GFRA2: variants seen among roughly 807,000 people sequenced by gnomAD.
GFRA2 encodes GDNF family receptor alpha-2.
A neutral mutation model predicts 48.3 loss-of-function variants in GFRA2; 17 were observed. The observed-to-expected ratio is 0.35, with a 90% confidence interval of 0.24 to 0.53. The LOEUF (loss-of-function observed/expected upper bound fraction) is 0.53. Ranked by LOEUF, GFRA2 falls within the 20% of genes least tolerant of loss-of-function variation. The probability of loss-of-function intolerance (pLI) is 0.93; values close to 1 mark genes in which losing one functional copy is unlikely to be tolerated. For missense variants in GFRA2, 660 were observed against 637.3 expected (o/e 1.04, Z -0.38); for synonymous variants, 305 against 257.2 (o/e 1.19, Z -1.78).
In GFRA2 at chr8:21,693,409, G is replaced by T; in HGVS notation, c.1273-9C>A. The T allele has an allele frequency of 6.3e-7, 1 of 1,599,316 alleles. No individual in the cohort carries two copies. The highest frequency in any genetic ancestry group is 1.1e-5 in the South Asian group (1 of 88,808). On this transcript the variant is annotated splice_polypyrimidine_tract_variant and intron_variant, in intron 8 of 8. Transcript: ENST00000524240. Reference sequence around the variant, plus strand: ...ATGATATTTGTCGTGAGCTGAGTCCGCAGCAGGAGAAGAATCAGGAACAAA... The same window carrying T: ...ATGATATTTGTCGTGAGCTGAGTCCTCAGCAGGAGAAGAATCAGGAACAAA...
At position 21,730,831 on chromosome 8, in the gene GFRA2, C is replaced by T. The variant is rs553727980; in HGVS notation, c.794+19757G>A. Reference sequence around the variant, plus strand: ...AATCGTATCTTCCCTCCTTCCTTTCCCCACATTTCAGAAATAAGGTAAATC... The same window carrying T: ...AATCGTATCTTCCCTCCTTCCTTTCTCCACATTTCAGAAATAAGGTAAATC... On this transcript the variant is annotated intron_variant, in intron 4 of 8. Transcript: ENST00000524240. Among the ~76,000 whole-genome samples, 5 of 152,242 alleles carry T rather than the reference C, an allele frequency of 3.3e-5. No homozygotes were observed. In the East Asian group the frequency reaches 5.8e-4, roughly 18 times the overall value.
intron 2 of GFRA2, among the ~76,000 whole-genome samples, chr8:21,780,157 GCTCCCTAGCCAGGCTC>G (rs1167464921): frequency 9.3e-5 from 14 of 151,080 alleles, no homozygotes; most frequent in East Asian, 2.0e-4. Flanking sequence ...GTTCCTGTCT[GCTCCCTAGCCAGGCTC>G]CTCCCTAGCC....
At chr8:21,699,502 A>C (rs1447202107) in intron 7 of GFRA2, among the ~76,000 whole-genome samples, 2 of 152,142 alleles carry the variant, frequency 1.3e-5, no homozygotes, top group Non-Finnish European at 2.9e-5. Context: ...GGGGTCCTAC[A>C]AATTGGCATT....
chr8:21,729,767 C>T (rs1194057893), intron 4 of GFRA2, among the ~76,000 whole-genome samples: 1 of 152,188 alleles, frequency 6.6e-6, no homozygotes, highest in African/African-American at 2.4e-5. Context: ...CCACCGCCAC[C>T]CCCAAAGGGC....
intron 1 of GFRA2, among the ~76,000 whole-genome samples, chr8:21,808,181 C>T (rs1807907822): frequency 6.6e-6 from 1 of 152,188 alleles, no homozygotes; most frequent in Admixed American, 6.5e-5. Context: ...GGGGGAAGGG[C>T]TCATCTTTGT....
intron 1 of GFRA2, among the ~76,000 whole-genome samples, chr8:21,810,130 C>A (rs1227634231): frequency 6.6e-6 from 1 of 152,198 alleles, no homozygotes; most frequent in Non-Finnish European, 1.5e-5. Flanking sequence ...AAGCCAAATG[C>A]AAAAGCACAT....
rs1807065476 is a variant in GFRA2, at chr8:21,782,608, C to T, written c.332G>A (p.Ser111Asn). ...ACCCTCGGTCAGCCCCAGGTGGATG[C>T]TCCAGTAGATCTGCAGACACTGCAG... is the stretch of plus-strand genomic sequence containing the variant. ...KELQCLQIYW[S>N]IHLGLTEGEE... is the part of the protein sequence containing the mutation. The change falls in exon 2 of 9, where the codon AGC becomes AAC. Residue 111 changes from serine to asparagine, a missense_variant. By Grantham distance (46) the Ser-to-Asn change is conservative (BLOSUM62 1). Coordinates refer to ENST00000524240, the MANE Select transcript of GFRA2 (RefSeq NM_001495.5). The T allele has an allele frequency of 1.3e-6, 2 of 1,583,236 alleles. No homozygotes were observed.
upstream of GFRA2, among the ~76,000 whole-genome samples, chr8:21,793,786 T>C (rs2117104591): frequency 6.6e-6 from 1 of 152,104 alleles, no homozygotes; most frequent in South Asian, 2.1e-4. Context: ...CATGTTCATA[T>C]TCCCCTTCAC....
intron 8 of GFRA2, among the ~76,000 whole-genome samples, chr8:21,694,066 T>TA (rs1802024862): frequency 5.4e-5 from 6 of 111,980 alleles, no homozygotes; most frequent in African/African-American, 1.3e-4. Flanking sequence ...TATATATATA[T>TA]TTATTTATTT....
chr8:21,697,152 G>T, intron 7 of GFRA2, among the ~76,000 whole-genome samples: 1 of 148,200 alleles, frequency 6.7e-6, no homozygotes, highest in Non-Finnish European at 1.5e-5. Context: ...AGGGAGAGGG[G>T]AAGGGACAGA....
intron 3 of GFRA2, among the ~76,000 whole-genome samples, chr8:21,754,181 T>G (rs1160818336): frequency 6.6e-6 from 1 of 152,250 alleles, no homozygotes; most frequent in Non-Finnish European, 1.5e-5. Context: ...CTCATTTGTT[T>G]GTTTGCATCA....
chr8:21,743,229 A>C (rs144458460), intron 4 of GFRA2, among the ~76,000 whole-genome samples: 114 of 152,150 alleles, frequency 7.5e-4, no homozygotes, highest in African/African-American at 2.6e-3. Context: ...GTTCTTCAGG[A>C]AGGGGGTGGC....
chr8:21,714,040 T>C (rs1803204473), intron 4 of GFRA2, among the ~76,000 whole-genome samples: 1 of 152,102 alleles, frequency 6.6e-6, no homozygotes, highest in South Asian at 2.1e-4. Flanking sequence ...AGACACACAG[T>C]TACACTTGGA....
intron 4 of GFRA2, among the ~76,000 whole-genome samples, chr8:21,707,270 G>A (rs1293202348): frequency 6.6e-6 from 1 of 152,154 alleles, no homozygotes; most frequent in Non-Finnish European, 1.5e-5. Context: ...AGCACCTCAT[G>A]AAGCCATCTC....
At position 21,718,611 on chromosome 8, in the gene GFRA2, A is replaced by G. The variant is rs151279363; in HGVS notation, c.795-12570T>C. Among the ~76,000 whole-genome samples the G allele has an allele frequency of 4.4e-3, 669 of 152,312 alleles. 2 individuals are homozygous for G. Among genetic ancestry groups the G allele is most frequent in the African/African-American group, 0.015 (613 of 41,588 alleles). ...CATGAGACACCATGTAGAAGGCAGG[A>G]GCTATGTCCCTTCAAGCCAAAGGGC... On this transcript the variant is annotated intron_variant, in intron 4 of 8. Coordinates refer to ENST00000524240, the MANE Select transcript of GFRA2 (RefSeq NM_001495.5).
intron 2 of GFRA2, among the ~76,000 whole-genome samples, chr8:21,778,318 C>A (rs1806811409): frequency 6.6e-6 from 1 of 152,164 alleles, no homozygotes; most frequent in Non-Finnish European, 1.5e-5. Flanking sequence ...TACCTGGAGG[C>A]CTCCTGGCTT....
At chr8:21,756,997 G>A (rs1204548321) in intron 3 of GFRA2, among the ~76,000 whole-genome samples, 1 of 152,104 alleles carries the variant, frequency 6.6e-6, no homozygotes. Flanking sequence ...GAGGGAGGCG[G>A]GATTTAACAC....
intron 4 of GFRA2, among the ~76,000 whole-genome samples, chr8:21,723,666 G>C (rs6587001): frequency 0.86 from 130,440 of 152,180 alleles, 56,091 homozygotes; most frequent in African/African-American, 0.92. Flanking sequence ...CCTCCACCCC[G>C]CAGGGTCCAC....
chr8:21,701,187 G>A (rs1247644671), intron 7 of GFRA2, among the ~76,000 whole-genome samples: 1 of 152,250 alleles, frequency 6.6e-6, no homozygotes, highest in Admixed American at 6.5e-5. Flanking sequence ...AAGCTCAGGA[G>A]ATCGAGACCA....
Sources: allele counts gnomAD v4.1 joint callset (sites outside exome capture counted in the v4.1 genomes callset), GRCh38; gene constraint gnomAD v4.1.1; transcripts MANE v1.5; gene names NCBI Gene and HGNC (gene_info 2026-07-23, HGNC 2026-07-21).